The following ARAP2 variants were observed in gnomAD, a reference collection of about 807,000 sequenced individuals.
ARAP2 encodes the protein ArfGAP with RhoGAP domain, ankyrin repeat and PH domain 2.
In ARAP2, 148 loss-of-function variants were observed where a neutral mutation model predicts 194.5. That is an observed-to-expected ratio of 0.76 (90% confidence interval 0.67 to 0.87). The LOEUF (loss-of-function observed/expected upper bound fraction) is 0.87. Among genes scored for constraint, ARAP2 ranks in the 40% least tolerant of loss-of-function variants. The pLI, the probability that ARAP2 is intolerant of heterozygous loss-of-function variation, is 0.00. For missense variants in ARAP2, 2,128 were observed against 1,989.7 expected (o/e 1.07, Z -1.32); for synonymous variants, 695 against 683.5 (o/e 1.02, Z -0.26).
At chr4:36,077,688 G>A (rs1249401958) in intron 31 of ARAP2, among the ~76,000 whole-genome samples, 1 of 151,980 alleles carries the variant, frequency 6.6e-6, no homozygotes, top group Non-Finnish European at 1.5e-5. Context: ...CCTCTACACT[G>A]CAGACTCAAT....
At chr4:36,049,734 A>C (rs1013551951) in intron 3 of ARAP2, among the ~76,000 whole-genome samples, 1 of 152,174 alleles carries the variant, frequency 6.6e-6, no homozygotes, top group African/African-American at 2.4e-5. Context: ...AAGAAAACTA[A>C]AAGGAAAAGA....
intron 6 of ARAP2, among the ~76,000 whole-genome samples, chr4:36,205,216 G>T (rs189213025): frequency 6.6e-6 from 1 of 151,788 alleles, no homozygotes; most frequent in Non-Finnish European, 1.5e-5. Flanking sequence ...GTGTCTAGAA[G>T]GGAAGGAGGG....
chr4:36,111,690 A>C (rs1720028573), intron 26 of ARAP2, among the ~76,000 whole-genome samples: 1 of 152,056 alleles, frequency 6.6e-6, no homozygotes, highest in Non-Finnish European at 1.5e-5. Context: ...ATTCAAGTTT[A>C]TAATTAGTCA....
At chr4:36,224,048 GT>G (rs540512194) in intron 2 of ARAP2, among the ~76,000 whole-genome samples, 32 of 147,718 alleles carry the variant, frequency 2.2e-4, no homozygotes, top group African/African-American at 3.0e-4. Flanking sequence ...ATACCTAGAG[GT>G]TTTTTTTTTA....
chr4:36,080,792 C>G (rs183667785), intron 30 of ARAP2, among the ~76,000 whole-genome samples: 1 of 152,194 alleles, frequency 6.6e-6, no homozygotes, highest in African/African-American at 2.4e-5. Flanking sequence ...GATTAAGTAA[C>G]CTTTTATTGA....
intron 32 of ARAP2, among the ~76,000 whole-genome samples, 170 bp downstream of exon 32, chr4:36,073,519 T>C (rs1333820428): frequency 2.0e-5 from 3 of 152,114 alleles, no homozygotes; most frequent in South Asian, 2.1e-4. Flanking sequence ...AAATAAAAGG[T>C]ATAAGGTTAT....
At position 36,234,263 on chromosome 4, in the gene ARAP2, C is replaced by T. The variant is rs114895680; in HGVS notation, c.-159-4618G>A. 3.6e-3 allele frequency among the ~76,000 whole-genome samples: 546 copies of T among 152,262 alleles called. 6 individuals are homozygous for T. Among genetic ancestry groups the T allele is most frequent in the African/African-American group, 0.013 (521 of 41,530 alleles). On this transcript the variant is annotated intron_variant, in intron 1 of 32. Transcript: ENST00000303965. ...GAGGATGGGAAGTCCAAGGTCAAGG[C>T]GCCTGCAGACATCATAGATAATGCC... is the stretch of plus-strand genomic sequence containing the variant.
At chr4:36,197,967 C>G (rs771827313) in intron 6 of ARAP2, among the ~76,000 whole-genome samples, 1 of 152,192 alleles carries the variant, frequency 6.6e-6, no homozygotes, top group Non-Finnish European at 1.5e-5. Flanking sequence ...CTTGTTTTCA[C>G]CCATAACATG....
intron 15 of ARAP2, among the ~76,000 whole-genome samples, chr4:36,152,544 C>T (rs1405599430): frequency 1.3e-5 from 2 of 151,882 alleles, no homozygotes; most frequent in African/African-American, 2.4e-5. Context: ...TTAGGAGATC[C>T]ACCCCTGTTC....
At chr4:36,054,267 G>T (rs935891782) in intron 2 of ARAP2, among the ~76,000 whole-genome samples, 4 of 152,130 alleles carry the variant, frequency 2.6e-5, no homozygotes, top group Admixed American at 2.0e-4. Context: ...TTTTCTCTGT[G>T]TCTGGACCAG....
intron 22 of ARAP2, 47 bp downstream of exon 22, chr4:36,124,815 T>G (rs1655756722): frequency 4.2e-5 from 49 of 1,157,894 alleles, no homozygotes; most frequent in Non-Finnish European, 5.9e-5. Context: ...AATGACTTAT[T>G]GAGTGCTGTG....
chr4:36,181,813 T>C (rs1011020662), intron 8 of ARAP2, among the ~76,000 whole-genome samples: 1 of 152,164 alleles, frequency 6.6e-6, no homozygotes, highest in Non-Finnish European at 1.5e-5. Flanking sequence ...AGGAAGGCCA[T>C]AAAAACTTAA....
intron 27 of ARAP2, among the ~76,000 whole-genome samples, chr4:36,093,190 A>G (rs547078161): frequency 6.6e-6 from 1 of 151,966 alleles, no homozygotes; most frequent in African/African-American, 2.4e-5. Context: ...AACAACACAC[A>G]CTGGGGCCTA....
chr4:36,159,553 C>T, intron 13 of ARAP2, 48 bp from the exon 14 acceptor site: 1 of 1,384,684 alleles, frequency 7.2e-7, no homozygotes. Context: ...AAATAAGATT[C>T]TAGCTATTAA....
At chr4:36,090,682 TCTTA>T (rs1443081288) in intron 28 of ARAP2, among the ~76,000 whole-genome samples, 2 of 152,140 alleles carry the variant, frequency 1.3e-5, no homozygotes, top group Non-Finnish European at 2.9e-5. Flanking sequence ...TAACGCATGT[TCTTA>T]CTTACAAGTG....
chr4:36,177,695 G>T, intron 9 of ARAP2, 132 bp downstream of exon 9: 2 of 767,096 alleles, frequency 2.6e-6, no homozygotes, highest in Non-Finnish European at 1.8e-6. Context: ...CTATTTCTTT[G>T]GTATATTTAG....
intron 10 of ARAP2, 132 bp from the exon 11 acceptor site, chr4:36,165,245 G>T: frequency 2.6e-6 from 2 of 769,064 alleles, no homozygotes; most frequent in South Asian, 2.0e-5. Context: ...GGCAGTTCTG[G>T]GTTGTCTTTT....
intron 6 of ARAP2, among the ~76,000 whole-genome samples, chr4:36,199,672 G>A (rs1743943453): frequency 6.6e-6 from 1 of 152,158 alleles, no homozygotes; most frequent in Admixed American, 6.5e-5. Flanking sequence ...CTGTTTCTAT[G>A]AGTGTATTTT....
chr4:36,056,778 C>T (rs1466257508), intron 2 of ARAP2, among the ~76,000 whole-genome samples: 1 of 152,012 alleles, frequency 6.6e-6, no homozygotes, highest in African/African-American at 2.4e-5. Flanking sequence ...GCATGAAAGT[C>T]ATATGTTCTT....
Sources: allele counts gnomAD v4.1 joint callset (sites outside exome capture counted in the v4.1 genomes callset), GRCh38; gene constraint gnomAD v4.1.1; transcripts MANE v1.5; gene names NCBI Gene and HGNC (gene_info 2026-07-23, HGNC 2026-07-21).